The following RIC8B variants were observed in gnomAD, a reference collection of about 807,000 sequenced individuals.
RIC8B encodes the protein RIC8 guanine nucleotide exchange factor B.
In RIC8B, 16 loss-of-function variants were observed where a neutral mutation model predicts 57.5. That is an observed-to-expected ratio of 0.28 (90% CI 0.19 to 0.42). The LOEUF is 0.42. RIC8B is among the 10% of genes least tolerant of loss of function. The pLI is 1.00. For missense variants in RIC8B, 481 were observed against 677.0 expected, an observed-to-expected ratio of 0.71 and a Z score of 3.21; for synonymous variants, 216 against 250.8, an observed-to-expected ratio of 0.86 and a Z score of 1.31.
intron 6 of RIC8B, among the ~76,000 whole-genome samples, chr12:106,846,242 T>C (rs1445826415): frequency 6.6e-6 from 1 of 152,190 alleles, no homozygotes; most frequent in Non-Finnish European, 1.5e-5. Context: ...CAAACTAATA[T>C]CTTGATTTTC....
intron 3 of RIC8B, 21 bp from the exon 4 acceptor site, chr12:106,825,705 T>C (rs2046065829): frequency 1.3e-6 from 2 of 1,594,528 alleles, no homozygotes; most frequent in Non-Finnish European, 8.6e-7. Flanking sequence ...CAATGTTTCC[T>C]CTCTTTTTTA....
chr12:106,795,571 T>A (rs1452479043), intron 2 of RIC8B, among the ~76,000 whole-genome samples: 6 of 152,212 alleles, frequency 3.9e-5, no homozygotes, highest in Admixed American at 3.9e-4. Flanking sequence ...CAACCTCATC[T>A]TATTATGCAA....
At chr12:106,874,318 T>C (rs1950574936) in intron 9 of RIC8B, among the ~76,000 whole-genome samples, 1 of 152,222 alleles carries the variant, frequency 6.6e-6, no homozygotes, top group Non-Finnish European at 1.5e-5. Flanking sequence ...CAAGTCGTTA[T>C]TGTGCTAAGA....
At chr12:106,859,351 TTG>T (rs1375402362) in intron 7 of RIC8B, among the ~76,000 whole-genome samples, 1 of 152,158 alleles carries the variant, frequency 6.6e-6, no homozygotes, top group African/African-American at 2.4e-5. Flanking sequence ...CTTGCAAAAG[TTG>T]TGTGTGTCTG....
At chr12:106,782,742 C>T (rs561728830) in intron 1 of RIC8B, among the ~76,000 whole-genome samples, 1 of 152,200 alleles carries the variant, frequency 6.6e-6, no homozygotes, top group Admixed American at 6.5e-5. Context: ...CAACATTTCT[C>T]TATCTTCTTT....
chr12:106,815,467 G>C (rs1221647282), intron 3 of RIC8B, among the ~76,000 whole-genome samples, 163 bp downstream of exon 3: 1 of 152,170 alleles, frequency 6.6e-6, no homozygotes, highest in Non-Finnish European at 1.5e-5. Context: ...ACCATTGTAA[G>C]TCTTATTCTT....
Position 106,884,642 on chromosome 12 carries a change from G to A in RIC8B, c.1572-1262G>A, listed in dbSNP as rs180901352. Among the ~76,000 whole-genome samples the A allele has an allele frequency of 3.0e-4, 46 of 152,270 alleles. 1 individual carries two copies. Among genetic ancestry groups the A allele is most frequent in the Admixed American group, 1.9e-3 (29 of 15,280 alleles). ...GGAGCCTCAATTTAGCCTGTCAGACGTTCACATTTCCCAAGCAAAGCTTTC... is the reference window on the plus strand; with the variant it reads ...GGAGCCTCAATTTAGCCTGTCAGACATTCACATTTCCCAAGCAAAGCTTTC... On this transcript the variant is annotated intron_variant, in intron 9 of 9. Coordinates refer to ENST00000392837, the MANE Select transcript of RIC8B (RefSeq NM_001330145.2).
At chr12:106,776,543 A>T (rs1372290869) in intron 1 of RIC8B, among the ~76,000 whole-genome samples, 1 of 152,184 alleles carries the variant, frequency 6.6e-6, no homozygotes, top group Non-Finnish European at 1.5e-5. Context: ...GGATATAATC[A>T]CGTTCTTTAA....
At chr12:106,843,808 C>G (rs746861355) in intron 5 of RIC8B, 44 bp from the exon 6 acceptor site, 3 of 1,357,264 alleles carry the variant, frequency 2.2e-6, no homozygotes, top group Non-Finnish European at 3.0e-6. Flanking sequence ...CTGTTAGAAA[C>G]AAAACTAACG....
intron 4 of RIC8B, among the ~76,000 whole-genome samples, chr12:106,837,318 C>T (rs2046650663): frequency 6.6e-6 from 1 of 151,870 alleles, no homozygotes; most frequent in Non-Finnish European, 1.5e-5. Context: ...GCCAAGATGG[C>T]GCCATTGTAC....
rs557304998 is a variant in RIC8B at position 106,869,933 on chromosome 12, C to T, written c.1452-890C>T. Among the ~76,000 whole-genome samples the T allele has an allele frequency of 3.3e-4, 50 of 152,148 alleles. 2 individuals are homozygous for T. The East Asian group carries it at 6.4e-3, about 19-fold the overall frequency. ...CAACGTGGGTGACAGAGCGAGACTC[C>T]GTCAAAACAAACAAACAAAAACAAA... is the stretch of plus-strand genomic sequence containing the variant. On this transcript the variant is annotated intron_variant, in intron 8 of 9. Coordinates refer to ENST00000392837, the MANE Select transcript of RIC8B (RefSeq NM_001330145.2).
At chr12:106,823,166 A>G in intron 3 of RIC8B, 1 of 237,362 alleles carries the variant, frequency 4.2e-6, no homozygotes, top group Non-Finnish European at 8.6e-6. Flanking sequence ...TCATTAAGGT[A>G]GTAGATTAGT....
chr12:106,787,262 C>T (rs962830925), intron 2 of RIC8B, among the ~76,000 whole-genome samples: 1 of 152,130 alleles, frequency 6.6e-6, no homozygotes, highest in African/African-American at 2.4e-5. Context: ...GGGAAAACAT[C>T]AACAAACAAA....
At chr12:106,833,005 A>G (rs2046423285) in intron 4 of RIC8B, among the ~76,000 whole-genome samples, 2 of 151,652 alleles carry the variant, frequency 1.3e-5, no homozygotes, top group Non-Finnish European at 2.9e-5. Flanking sequence ...TTTTGTGAGG[A>G]AAAAAAAATC....
At chr12:106,861,094 C>A (rs1425255950) in intron 8 of RIC8B, among the ~76,000 whole-genome samples, 1 of 152,106 alleles carries the variant, frequency 6.6e-6, no homozygotes, top group African/African-American at 2.4e-5. Flanking sequence ...TCCTTTCCAT[C>A]CCACTCGTAA....
At chr12:106,806,872 G>C (rs183936633) in intron 2 of RIC8B, among the ~76,000 whole-genome samples, 2 of 152,266 alleles carry the variant, frequency 1.3e-5, no homozygotes, top group African/African-American at 4.8e-5. Flanking sequence ...CATATAGAAA[G>C]CATAGATAAC....
chr12:106,808,592 T>C (rs2045175417), intron 2 of RIC8B, among the ~76,000 whole-genome samples: 1 of 152,172 alleles, frequency 6.6e-6, no homozygotes, highest in African/African-American at 2.4e-5. Flanking sequence ...AATCATCAAA[T>C]TACTATGAAA....
rs569074692 is a variant in RIC8B, at chr12:106,801,786, G to A, written c.133-12910G>A. On this transcript the variant is annotated intron_variant, in intron 2 of 9. Coordinates refer to ENST00000392837, the MANE Select transcript of RIC8B (RefSeq NM_001330145.2). ...CAATAAGTCATTAACTAGTATTTTT[G>A]TGAAATACAGTTTTTGAATAGGTCC... Among the ~76,000 whole-genome samples the A allele has an allele frequency of 1.5e-3, 229 of 152,264 alleles. 1 individual carries two copies. The highest frequency in any genetic ancestry group is 5.3e-3 in the African/African-American group (220 of 41,548).
At chr12:106,875,999 G>A (rs1421200902) in intron 9 of RIC8B, among the ~76,000 whole-genome samples, 1 of 152,120 alleles carries the variant, frequency 6.6e-6, no homozygotes, top group African/African-American at 2.4e-5. Flanking sequence ...ATCAACGACT[G>A]TGATTATACC....
Sources: gnomAD v4.1 joint callset for allele counts (sites outside exome capture counted in the v4.1 genomes callset) on GRCh38, gnomAD v4.1.1 for gene constraint, MANE v1.5 for transcripts, NCBI Gene and HGNC (gene_info 2026-07-23, HGNC 2026-07-21) for gene names.